The following SLC10A7 variants were observed in gnomAD, a reference collection of about 807,000 sequenced individuals.
The protein encoded by SLC10A7 is solute carrier family 10 member 7, also known as sodium/bile acid cotransporter 7.
A neutral mutation model predicts 43.2 loss-of-function variants in SLC10A7; 29 were observed. That is an observed-to-expected ratio of 0.67 (90% CI 0.50 to 0.92). The LOEUF (loss-of-function observed/expected upper bound fraction) is 0.92. Ranked by LOEUF, SLC10A7 falls within the 40% of genes least tolerant of loss-of-function variation. The pLI is 0.00. For synonymous variants in SLC10A7, 152 were observed against 144.8 expected (o/e 1.05, Z -0.35); for missense variants, 295 against 403.2 (o/e 0.73, Z 2.30).
chr4:146,400,757 T>C (rs1379349547), intron 5 of SLC10A7, among the ~76,000 whole-genome samples: 3 of 152,124 alleles, frequency 2.0e-5, no homozygotes, highest in Non-Finnish European at 4.4e-5. Flanking sequence ...CACCATTTGA[T>C]GACAGACGTG....
intron 4 of SLC10A7, among the ~76,000 whole-genome samples, chr4:146,460,477 C>T (rs1383455747): frequency 6.6e-6 from 1 of 151,874 alleles, no homozygotes; most frequent in Non-Finnish European, 1.5e-5. Context: ...TACATTCATA[C>T]AATGGAATAT....
At chr4:146,437,228 A>G (rs1270040802) in intron 5 of SLC10A7, among the ~76,000 whole-genome samples, 3 of 152,118 alleles carry the variant, frequency 2.0e-5, no homozygotes, top group Admixed American at 2.0e-4. Flanking sequence ...GTCTGTTCTC[A>G]GCAATCCAGC....
intron 4 of SLC10A7, chr4:146,478,056 G>T (rs1159198396): frequency 1.3e-5 from 2 of 152,142 alleles, no homozygotes; most frequent in Non-Finnish European, 2.9e-5. Context: ...AAAATTTAAG[G>T]TTATTCCAAC....
chr4:146,280,264 A>T (rs1313876467), intron 10 of SLC10A7, among the ~76,000 whole-genome samples: 1 of 152,212 alleles, frequency 6.6e-6, no homozygotes, highest in East Asian at 1.9e-4. Context: ...AGTGCCAAAT[A>T]GTTATATTAT....
intron 9 of SLC10A7, among the ~76,000 whole-genome samples, chr4:146,292,009 G>C (rs994110725): frequency 8.5e-5 from 13 of 152,224 alleles, no homozygotes; most frequent in African/African-American, 3.1e-4. Flanking sequence ...GAGGAACCAG[G>C]ACATGGAGAC....
chr4:146,433,423 G>A (rs1263057268), intron 5 of SLC10A7, among the ~76,000 whole-genome samples: 1 of 151,802 alleles, frequency 6.6e-6, no homozygotes, highest in Non-Finnish European at 1.5e-5. Flanking sequence ...AATTTGAAAT[G>A]ATCAATAAAC....
intron 5 of SLC10A7, among the ~76,000 whole-genome samples, chr4:146,349,852 G>A (rs1299720095): frequency 3.9e-5 from 6 of 152,258 alleles, no homozygotes; most frequent in African/African-American, 1.2e-4. Context: ...GATGAAGGAA[G>A]GGAGGCAAGG....
intron 6 of SLC10A7, among the ~76,000 whole-genome samples, chr4:146,321,481 C>T (rs1732702157): frequency 6.6e-6 from 1 of 152,066 alleles, no homozygotes; most frequent in South Asian, 2.1e-4. Context: ...TACCTGATGT[C>T]CAAACAAGAC....
chr4:146,314,120 GA>G (rs2149691784), intron 6 of SLC10A7, among the ~76,000 whole-genome samples: 1 of 152,232 alleles, frequency 6.6e-6, no homozygotes, highest in South Asian at 2.1e-4. Context: ...AGTCTCAGTC[GA>G]GTGACAAAAT....
rs550621142 is a variant in SLC10A7 at position 146,466,518 on chromosome 4, A to G, written c.397-23697T>C. On this transcript the variant is annotated intron_variant, in intron 4 of 11. Transcript: ENST00000335472. Reference sequence around the variant, plus strand: ...TCAGGAGCTCACAGAGTCCTAAATGAGAGATGATGCATAAAATTCTGTAAG... The same window carrying G: ...TCAGGAGCTCACAGAGTCCTAAATGGGAGATGATGCATAAAATTCTGTAAG... Among the ~76,000 whole-genome samples, 19 of 152,340 alleles carry G rather than the reference A, an allele frequency of 1.2e-4. No homozygotes were observed. The South Asian group carries it at 2.7e-3, about 22-fold the overall frequency.
In SLC10A7 at chr4:146,515,461, T is replaced by C. The variant is rs145446005; in HGVS notation, c.183+1577A>G. Among the ~76,000 whole-genome samples the C allele has an allele frequency of 1.9e-3, 289 of 152,348 alleles. 1 individual carries two copies. The highest frequency in any genetic ancestry group is 5.4e-3 in the African/African-American group (224 of 41,584). ...AGTAATTATGGTCCTCTCATATCAA[T>C]ATTGTTTACCAAAATTGGAATTTGA... On this transcript the variant is annotated intron_variant, in intron 2 of 11. Transcript: ENST00000335472.
intron 6 of SLC10A7, among the ~76,000 whole-genome samples, chr4:146,322,586 G>A (rs1732799346): frequency 6.6e-6 from 1 of 152,102 alleles, no homozygotes; most frequent in African/African-American, 2.4e-5. Flanking sequence ...ATTCCATGGT[G>A]TATATGTGCC....
chr4:146,456,252 A>G (rs1007810771), intron 4 of SLC10A7, among the ~76,000 whole-genome samples: 2 of 151,964 alleles, frequency 1.3e-5, no homozygotes, highest in African/African-American at 4.8e-5. Flanking sequence ...CCTTTGAAAA[A>G]GACAAATAAA....
At chr4:146,474,274 C>T (rs992161146) in intron 4 of SLC10A7, among the ~76,000 whole-genome samples, 1 of 152,090 alleles carries the variant, frequency 6.6e-6, no homozygotes, top group Non-Finnish European at 1.5e-5. Context: ...TTAATGCTTA[C>T]ATATGTGTTA....
intron 4 of SLC10A7, among the ~76,000 whole-genome samples, chr4:146,468,284 C>T (rs1733233858): frequency 6.6e-6 from 1 of 151,944 alleles, no homozygotes; most frequent in Non-Finnish European, 1.5e-5. Flanking sequence ...TATCACATTA[C>T]CAAGTGGTAA....
At chr4:146,427,737 C>G (rs563724327) in intron 5 of SLC10A7, among the ~76,000 whole-genome samples, 1 of 152,318 alleles carries the variant, frequency 6.6e-6, no homozygotes, top group South Asian at 2.1e-4. Flanking sequence ...TTTCCTATTA[C>G]TGATTTTAAT....
chr4:146,359,425 G>A (rs369300070), intron 5 of SLC10A7, among the ~76,000 whole-genome samples: 7 of 151,940 alleles, frequency 4.6e-5, no homozygotes, highest in African/African-American at 1.4e-4. Context: ...ATATAGTTAC[G>A]TTTTTGTGAC....
rs114770864 is a variant in SLC10A7, at chr4:146,451,799, C to G, written c.397-8978G>C. On this transcript the variant is annotated intron_variant, in intron 4 of 11. Coordinates refer to ENST00000335472, the MANE Select transcript of SLC10A7 (RefSeq NM_001029998.6). ...GGATTTCCATGCAGCAAAGTTCTGG[C>G]CAATGAGATAAAAAGTGATATATGC... is the stretch of plus-strand genomic sequence containing the variant. 7.2e-3 allele frequency among the ~76,000 whole-genome samples: 1,096 copies of G among 152,148 alleles called. 17 individuals carry two copies. The highest frequency in any genetic ancestry group is 0.025 in the African/African-American group (1,031 of 41,518).
At chr4:146,343,633 T>G (rs986809443) in intron 5 of SLC10A7, among the ~76,000 whole-genome samples, 21 of 152,044 alleles carry the variant, frequency 1.4e-4, no homozygotes, top group African/African-American at 5.1e-4. Flanking sequence ...GCTACTGATT[T>G]AAAGAGAAGT....
Sources: allele counts gnomAD v4.1 joint callset (sites outside exome capture counted in the v4.1 genomes callset), GRCh38; gene constraint gnomAD v4.1.1; transcripts MANE v1.5; gene names NCBI Gene and HGNC (gene_info 2026-07-23, HGNC 2026-07-21).